Variants in UNC45B observed in about 807,000 individuals in gnomAD.
The protein encoded by UNC45B is unc-45 myosin chaperone B.
UNC45B carries 78 observed loss-of-function variants against 98.7 expected under a neutral mutation model. That is an observed-to-expected ratio of 0.79 (90% CI 0.66 to 0.95). The LOEUF is 0.95. Ranked by LOEUF, UNC45B falls within the 40% of genes least tolerant of loss-of-function variation. The probability of loss-of-function intolerance (pLI) is 0.00; values close to 1 mark genes in which losing one functional copy is unlikely to be tolerated. For synonymous variants in UNC45B, 462 were observed against 480.4 expected (o/e 0.96, Z 0.50); for missense variants, 1,225 against 1,184.9 (o/e 1.03, Z -0.50).
intron 12 of UNC45B, 64 bp from the exon 13 acceptor site, chr17:35,171,258 G>C: frequency 6.3e-7 from 1 of 1,581,958 alleles, no homozygotes; most frequent in South Asian, 1.2e-5. Flanking sequence ...GAGCATCCTG[G>C]AAGCAGAGGT....
At position 35,183,344 on chromosome 17, in the gene UNC45B, G is replaced by C. The variant is rs576448137; in HGVS notation, c.2374-83G>C. 8.7e-6 allele frequency: 12 copies of C among 1,387,246 alleles called. No individual in the cohort carries two copies. In the South Asian group the frequency reaches 2.0e-4, roughly 23 times the overall value. 85.9% of individuals were successfully genotyped at this position (1,387,246 alleles called of 1,614,324 possible). ...GGAAACTCTAAGAGATCTTGGGTCAGAGAACTTCAGATGTATCTTTCCCTC... is the reference window on the plus strand; with the variant it reads ...GGAAACTCTAAGAGATCTTGGGTCACAGAACTTCAGATGTATCTTTCCCTC... On this transcript the variant is annotated intron_variant, in intron 18 of 19. Transcript: ENST00000394570.
Position 35,177,080 on chromosome 17 carries a change from G to A in UNC45B, c.2089G>A (p.Ala697Thr). Residue 697 changes from alanine to threonine, a missense_variant, in exon 16 of 20, where the codon GCA (alanine) becomes ACA (threonine). Coordinates refer to ENST00000394570, the MANE Select transcript of UNC45B (RefSeq NM_001267052.2). ...VGKVKAAHALAKIAAVSNPDI... is the reference protein window; with the variant it reads ...VGKVKAAHALTKIAAVSNPDI... ...CAAGGTGAAGGCAGCCCACGCTCTAGCAAAGATCGCTGCTGTCTCCAATCC... is the reference window on the plus strand; with the variant it reads ...CAAGGTGAAGGCAGCCCACGCTCTAACAAAGATCGCTGCTGTCTCCAATCC... 6.2e-7 allele frequency: 1 copy of A among 1,614,226 alleles called. No individual in the cohort carries two copies. The highest frequency in any genetic ancestry group is 8.5e-7 in the Non-Finnish European group (1 of 1,180,044).
chr17:35,188,712 T>C lies in UNC45B; in HGVS notation c.*2153T>C, dbSNP rs1415162771. Reference sequence around the variant, plus strand: ...GTCTGGGAGACCACATTCTTTAACATGAATATTTTGTAAATAGTCCAAGAA... The same window carrying C: ...GTCTGGGAGACCACATTCTTTAACACGAATATTTTGTAAATAGTCCAAGAA... On this transcript the variant is annotated 3_prime_UTR_variant, in exon 20 of 20. Coordinates refer to ENST00000394570, the MANE Select transcript of UNC45B (RefSeq NM_001267052.2). 3.3e-5 allele frequency: 5 copies of C among 152,186 alleles called. No individual in the cohort carries two copies. The highest frequency in any genetic ancestry group is 7.2e-5 in the African/African-American group (3 of 41,430). 9.4% of individuals were successfully genotyped at this position (152,186 alleles called of 1,614,324 possible).
chr17:35,164,212 T>A, intron 9 of UNC45B, 46 bp downstream of exon 9: 1 of 1,542,638 alleles, frequency 6.5e-7, no homozygotes, highest in South Asian at 1.2e-5. Flanking sequence ...GTCTTGGTTA[T>A]CTATGGCTGT....
chr17:35,178,953 AG>A (rs1277365414), intron 17 of UNC45B, among the ~76,000 whole-genome samples: 1 of 152,164 alleles, frequency 6.6e-6, no homozygotes, highest in African/African-American at 2.4e-5. Flanking sequence ...CTTGTAGTAT[AG>A]TTTGAAGTCA....
Position 35,150,127 on chromosome 17 carries a change from G to A in UNC45B, c.285G>A (p.Gln95=), listed in dbSNP as rs780804046. 5.6e-6 allele frequency: 9 copies of A among 1,613,750 alleles called. No individual in the cohort carries two copies. The highest frequency in any genetic ancestry group is 3.3e-5 in the Admixed American group (2 of 59,974). Residue 95 remains glutamine (Q), a synonymous_variant, in exon 4 of 20, where the codon CAG becomes CAA. Transcript: ENST00000394570. ...QALEHLGKLD[Q]AFKDVQRCAT... ...TGGAGCACCTGGGGAAGCTGGACCAGGCCTTCAAAGACGTGCAGCGTTGTG... is the reference window on the plus strand; with the variant it reads ...TGGAGCACCTGGGGAAGCTGGACCAAGCCTTCAAAGACGTGCAGCGTTGTG...
At chr17:35,152,475 G>A (rs2092027377) in intron 4 of UNC45B, among the ~76,000 whole-genome samples, 1 of 152,174 alleles carries the variant, frequency 6.6e-6, no homozygotes, top group Admixed American at 6.5e-5. Flanking sequence ...CTTGAAAGCT[G>A]CTTCGTCTAC....
At chr17:35,154,463 C>A (rs2092043364) in intron 5 of UNC45B, 111 bp from the exon 6 acceptor site, 3 of 992,380 alleles carry the variant, frequency 3.0e-6, no homozygotes, top group Non-Finnish European at 4.4e-6. Context: ...GATAATAGAA[C>A]AATGTTCTGA....
chr17:35,167,886 A>G (rs1191570782), intron 9 of UNC45B, among the ~76,000 whole-genome samples, 175 bp from the exon 10 acceptor site: 1 of 152,220 alleles, frequency 6.6e-6, no homozygotes, highest in Non-Finnish European at 1.5e-5. Flanking sequence ...AACTAGTAGT[A>G]CTATCCTCAG....
chr17:35,157,723 T>C (rs919511218), intron 7 of UNC45B, among the ~76,000 whole-genome samples: 15 of 152,346 alleles, frequency 9.8e-5, no homozygotes, highest in Middle Eastern at 3.4e-3. Context: ...ATCCAGTAGA[T>C]TCAAAATTAT....
chr17:35,150,902 G>A (rs1312095808), intron 4 of UNC45B, among the ~76,000 whole-genome samples: 1 of 152,054 alleles, frequency 6.6e-6, no homozygotes, highest in African/African-American at 2.4e-5. Context: ...GGAGAGCCAG[G>A]CCCCATTAGG....
Position 35,174,414 on chromosome 17 carries a change from G to A in UNC45B, c.1958+45G>A, listed in dbSNP as rs113550407. 6.4e-4 allele frequency: 1,028 copies of A among 1,611,548 alleles called. 7 individuals are homozygous for A. In the African/African-American group the frequency reaches 0.011, roughly 17 times the overall value. ...AGGCTTGGAACTAGGGCTGGGGGCC[G>A]AGGGTCCTGGAGTGCAGCACACTGG... On this transcript the variant is annotated intron_variant, in intron 14 of 19. Transcript: ENST00000394570.
chr17:35,151,752 G>C (rs1335313455), intron 4 of UNC45B, among the ~76,000 whole-genome samples: 2 of 152,190 alleles, frequency 1.3e-5, no homozygotes, highest in African/African-American at 4.8e-5. Context: ...ATAAACTAAG[G>C]AGAGATTCAG....
chr17:35,149,938 A>G (rs780199094), intron 3 of UNC45B, 110 bp from the exon 4 acceptor site: 19 of 1,182,986 alleles, frequency 1.6e-5, no homozygotes, highest in Non-Finnish European at 2.2e-5. Context: ...ATAATCTCCA[A>G]GGAAGACACA....
At position 35,159,484 on chromosome 17, in the gene UNC45B, T is replaced by C. The variant is rs572719777; in HGVS notation, c.918T>C (p.Asn306=). 6.2e-7 allele frequency: 1 copy of C among 1,614,130 alleles called. No homozygotes were observed. Among genetic ancestry groups the C allele is most frequent in the East Asian group, 2.2e-5 (1 of 44,878 alleles). Reference sequence around the variant, plus strand: ...AGGCGCTGAACCTGCTCAATAAGAATGTTCCCAGGAAGGACCTTGCCATTC... The same window carrying C: ...AGGCGCTGAACCTGCTCAATAAGAACGTTCCCAGGAAGGACCTTGCCATTC... ...RDQALNLLNK[N]VPRKDLAIHD... is the part of the protein sequence containing the mutation. Residue 306 remains asparagine, a synonymous_variant, in exon 8 of 20, where the codon AAT becomes AAC. Coordinates refer to ENST00000394570, the MANE Select transcript of UNC45B (RefSeq NM_001267052.2).
intron 5 of UNC45B, among the ~76,000 whole-genome samples, chr17:35,154,078 A>G (rs1471963806): frequency 6.6e-6 from 1 of 152,024 alleles, no homozygotes; most frequent in Non-Finnish European, 1.5e-5. Context: ...CAGAACTCAA[A>G]CCCAGGGCTT....
chr17:35,181,911 C>T (rs983663562), intron 18 of UNC45B, among the ~76,000 whole-genome samples: 4 of 151,614 alleles, frequency 2.6e-5, no homozygotes, highest in Non-Finnish European at 2.9e-5. Context: ...GAGAGTGTGT[C>T]CAAGGAGATG....
chr17:35,185,904 G>T (rs1042377113), intron 19 of UNC45B, among the ~76,000 whole-genome samples: 1 of 152,156 alleles, frequency 6.6e-6, no homozygotes, highest in Non-Finnish European at 1.5e-5. Flanking sequence ...AAAGAAAAGA[G>T]CTTCATTTTG....
rs777765174 is a variant in UNC45B at position 35,180,667 on chromosome 17, C to A, written c.2364C>A (p.Leu788=). 1 of 1,612,990 alleles carries A rather than the reference C, an allele frequency of 6.2e-7. No homozygotes were observed. Among genetic ancestry groups the A allele is most frequent in the African/African-American group, 1.3e-5 (1 of 74,954 alleles). Residue 788 remains leucine, a synonymous_variant, in exon 18 of 20, where the codon CTC becomes CTA. Transcript: ENST00000394570. The part of the protein sequence containing the change: ...AATECMCNMV[L]HKEVQERFLA... ...CCGAGTGCATGTGCAACATGGTGCT[C>A]CACAAGGAGGTGAGGCAGGGGCTCA...
Sources: gnomAD v4.1 joint callset for allele counts (sites outside exome capture counted in the v4.1 genomes callset) on GRCh38, gnomAD v4.1.1 for gene constraint, MANE v1.5 for transcripts, NCBI Gene and HGNC (gene_info 2026-07-23, HGNC 2026-07-21) for gene names.